DNAH7: variants seen among roughly 807,000 people sequenced by gnomAD.
DNAH7 encodes the protein axonemal beta dynein heavy chain 7.
Under a neutral mutation model 444.6 loss-of-function variants are expected in DNAH7, and 397 were observed. The observed-to-expected ratio is 0.89, with a 90% CI of 0.82 to 0.97. The LOEUF (loss-of-function observed/expected upper bound fraction) is 0.97, where lower values mean the gene tolerates loss of function less well. DNAH7 is among the 50% of genes least tolerant of loss of function. The pLI, the probability that DNAH7 is intolerant of heterozygous loss-of-function variation, is 0.00. For synonymous variants in DNAH7, 1,636 were observed against 1,624.4 expected (o/e 1.01, Z -0.17); for missense variants, 4,902 against 4,800.8 (o/e 1.02, Z -0.62).
At chr2:196,033,123 T>C (rs891011027) in intron 5 of DNAH7, among the ~76,000 whole-genome samples, 1 of 152,190 alleles carries the variant, frequency 6.6e-6, no homozygotes, top group African/African-American at 2.4e-5. Flanking sequence ...TTCCTTTACA[T>C]ATTTTTTGAG....
chr2:196,009,896 G>C (rs1344278187), intron 10 of DNAH7, among the ~76,000 whole-genome samples: 1 of 152,128 alleles, frequency 6.6e-6, no homozygotes, highest in African/African-American at 2.4e-5. Context: ...ATAGCCAACA[G>C]GTATATGAAG....
At chr2:195,884,436 A>C in intron 35 of DNAH7, 149 bp downstream of exon 35, 1 of 626,174 alleles carries the variant, frequency 1.6e-6, no homozygotes. Flanking sequence ...GAGGTGTCTG[A>C]CTTCAAGCCA....
chr2:195,758,690 C>T (rs1385384042), intron 61 of DNAH7, among the ~76,000 whole-genome samples: 1 of 152,174 alleles, frequency 6.6e-6, no homozygotes, highest in Non-Finnish European at 1.5e-5. Context: ...CCTCCTCCAT[C>T]ACCCGGCAGT....
chr2:195,748,781 A>G (rs1358937582), intron 63 of DNAH7, among the ~76,000 whole-genome samples: 3 of 152,230 alleles, frequency 2.0e-5, no homozygotes, highest in African/African-American at 7.2e-5. Context: ...CTGGCTAGCC[A>G]TATGCAGAAA....
intron 1 of DNAH7, chr2:196,068,401 A>C: frequency 2.2e-6 from 1 of 449,144 alleles, no homozygotes; most frequent in Non-Finnish European, 4.0e-6. Context: ...CTCTCACCCA[A>C]GCACACCGCC....
intron 22 of DNAH7, among the ~76,000 whole-genome samples, chr2:195,924,814 C>G (rs1257968381): frequency 6.6e-6 from 1 of 152,134 alleles, no homozygotes; most frequent in East Asian, 1.9e-4. Context: ...TTCTGAAGAC[C>G]AGGCTTGCTT....
rs753751466 is a variant in DNAH7, at chr2:195,926,457, T to A, written c.3581A>T (p.Glu1194Val). 4 of 1,599,056 alleles carry A rather than the reference T, an allele frequency of 2.5e-6. No homozygotes were observed. Among genetic ancestry groups the A allele is most frequent in the Middle Eastern group, 1.7e-4 (1 of 6,042 alleles). The change falls in exon 22 of 65, where the codon GAA (glutamate) becomes GTA (valine). Residue 1194 changes from glutamate (E) to valine (V), a missense_variant. Glu to Val is a moderately radical substitution (Grantham distance 121). Coordinates refer to ENST00000312428, the MANE Select transcript of DNAH7 (RefSeq NM_018897.3). ...LCVSQIFWTK[E>V]VQTAIPMGIK... is the part of the protein sequence containing the mutation. ...CCCCATTGGAATAGCTGTTTGTACT[T>A]CTTTTGTCCAAAAGATTTGGGATAC...
chr2:195,821,990 G>A (rs911132218), intron 49 of DNAH7, among the ~76,000 whole-genome samples: 1 of 152,176 alleles, frequency 6.6e-6, no homozygotes, highest in Non-Finnish European at 1.5e-5. Context: ...CCTCAGTGGG[G>A]TATTATCTGG....
At position 195,960,336 on chromosome 2, in the gene DNAH7, A is replaced by T; in HGVS notation, c.2815T>A (p.Leu939Met). The change falls in exon 18 of 65, where the codon TTG becomes ATG. Residue 939 changes from leucine (L) to methionine (M), a missense_variant. Leu to Met is a conservative substitution (Grantham distance 15). Coordinates refer to ENST00000312428, the MANE Select transcript of DNAH7 (RefSeq NM_018897.3). ...ILASVDEIQM[L>M]LDDHIIKTQT... ...GTTTTAATAATATGGTCATCCAACA[A>T]CATCTGAATTTCATCAACTGATGCC... is the stretch of plus-strand genomic sequence containing the variant. The T allele has an allele frequency of 6.2e-7, 1 of 1,614,000 alleles. No individual in the cohort carries two copies.
chr2:195,926,636 A>G, intron 21 of DNAH7, 70 bp from the exon 22 acceptor site: 1 of 1,366,934 alleles, frequency 7.3e-7, no homozygotes, highest in South Asian at 1.6e-5. Flanking sequence ...AGCTAAACTA[A>G]ACTAGATTAA....
intron 48 of DNAH7, among the ~76,000 whole-genome samples, chr2:195,826,148 T>G (rs1474087124): frequency 6.6e-6 from 1 of 152,238 alleles, no homozygotes; most frequent in East Asian, 1.9e-4. Flanking sequence ...CTCTAATTAC[T>G]TAATCAGGCT....
chr2:195,829,149 C>CTATT (rs1553529147), intron 48 of DNAH7, among the ~76,000 whole-genome samples: 1 of 151,980 alleles, frequency 6.6e-6, no homozygotes, highest in African/African-American at 2.4e-5. Context: ...GCTTTGCTTT[C>CTATT]TATTCACTGG....
In DNAH7 at chr2:195,960,459, C is replaced by G. The variant is rs376917562; in HGVS notation, c.2692G>C (p.Glu898Gln). Residue 898 changes from glutamate to glutamine, a missense_variant, in exon 18 of 65, where the codon GAA becomes CAA. Coordinates refer to ENST00000312428, the MANE Select transcript of DNAH7 (RefSeq NM_018897.3). ...FEGISEAASKEYSLEKAMEKM... is the reference protein window; with the variant it reads ...FEGISEAASKQYSLEKAMEKM... ...TCCATCGCCTTTTCAAGAGAATATT[C>G]TTTGCTAGCTGCTTCACTAATACCT... The G allele has an allele frequency of 5.6e-6, 9 of 1,614,070 alleles. No individual in the cohort carries two copies. Among genetic ancestry groups the G allele is most frequent in the Non-Finnish European group, 7.6e-6 (9 of 1,180,028 alleles).
chr2:195,842,936 A>C (rs886449380), intron 47 of DNAH7, among the ~76,000 whole-genome samples: 25 of 152,220 alleles, frequency 1.6e-4, no homozygotes, highest in Non-Finnish European at 2.9e-4. Context: ...TATAAATTGC[A>C]AATCAAGACA....
intron 27 of DNAH7, chr2:195,902,383 A>C (rs4850645): frequency 6.6e-6 from 1 of 151,654 alleles, no homozygotes; most frequent in Non-Finnish European, 1.5e-5. Flanking sequence ...ACCACTACAC[A>C]CATCAGGGAA....
In DNAH7 at chr2:195,957,408, C is replaced by T; in HGVS notation, c.2931G>A (p.Leu977=). 6.3e-7 allele frequency: 1 copy of T among 1,595,118 alleles called. No individual in the cohort carries two copies. The highest frequency in any genetic ancestry group is 1.3e-5 in the African/African-American group (1 of 74,746). ...EGKLLLLQEI[L]DEWLKVQATW... is the part of the protein sequence containing the mutation. Reference sequence around the variant, plus strand: ...TGGCTTGGACTTTGAGCCATTCATCCAGAATCTCCTGAAGCAGTAGGAGCT... The same window carrying T: ...TGGCTTGGACTTTGAGCCATTCATCTAGAATCTCCTGAAGCAGTAGGAGCT... The change falls in exon 19 of 65, where the codon CTG becomes CTA. Residue 977 remains leucine, a synonymous_variant. Transcript: ENST00000312428.
intron 19 of DNAH7, among the ~76,000 whole-genome samples, chr2:195,941,528 C>G (rs1689445145): frequency 6.9e-6 from 1 of 145,208 alleles, no homozygotes; most frequent in African/African-American, 2.6e-5. Flanking sequence ...ACGAAGGTAA[C>G]AAACCTGCGT....
intron 61 of DNAH7, among the ~76,000 whole-genome samples, chr2:195,757,453 A>T (rs1057452711): frequency 1.3e-5 from 2 of 152,180 alleles, no homozygotes; most frequent in East Asian, 1.9e-4. Flanking sequence ...AGTTGCTATT[A>T]TTCATTTCTG....
intron 35 of DNAH7, among the ~76,000 whole-genome samples, chr2:195,883,263 C>T (rs1032757056): frequency 1.3e-5 from 2 of 151,998 alleles, no homozygotes; most frequent in Non-Finnish European, 1.5e-5. Flanking sequence ...CTGGCTAACA[C>T]GGTGAAACCC....
Sources: gnomAD v4.1 joint callset for allele counts (sites outside exome capture counted in the v4.1 genomes callset) on GRCh38, gnomAD v4.1.1 for gene constraint, MANE v1.5 for transcripts, NCBI Gene and HGNC (gene_info 2026-07-23, HGNC 2026-07-21) for gene names.